The following KIAA0319L variants were observed in gnomAD, a reference collection of about 807,000 sequenced individuals.
KIAA0319L encodes the protein KIAA0319 like.
KIAA0319L carries 55 observed loss-of-function variants against 120.1 expected under a neutral mutation model. That is an observed-to-expected ratio of 0.46 (90% CI 0.37 to 0.57). The LOEUF (loss-of-function observed/expected upper bound fraction) is 0.57. Among genes scored for constraint, KIAA0319L ranks in the 20% least tolerant of loss-of-function variants. KIAA0319L has a pLI of 0.00. For missense variants in KIAA0319L, 1,049 were observed against 1,255.3 expected (o/e 0.84, Z 2.48); for synonymous variants, 398 against 471.9 (o/e 0.84, Z 2.03).
intron 2 of KIAA0319L, among the ~76,000 whole-genome samples, chr1:35,536,435 G>C (rs1362454429): frequency 6.6e-6 from 1 of 152,168 alleles, no homozygotes; most frequent in East Asian, 1.9e-4. Flanking sequence ...TCTGAACAAA[G>C]CAACAGTGGA....
intron 20 of KIAA0319L, 174 bp from the exon 21 acceptor site, chr1:35,435,255 G>C (rs1435353947): frequency 1.5e-5 from 9 of 618,578 alleles, no homozygotes; most frequent in Non-Finnish European, 2.6e-5. Context: ...GGGCCCAACT[G>C]GTTGGAACAG....
intron 7 of KIAA0319L, among the ~76,000 whole-genome samples, chr1:35,465,534 G>A (rs1018419198): frequency 4.6e-5 from 7 of 152,144 alleles, no homozygotes; most frequent in Admixed American, 1.3e-4. Context: ...AGGCAGAATC[G>A]ACTTGCCTTG....
chr1:35,454,521 C>T lies in KIAA0319L; in HGVS notation c.1657-36G>A, dbSNP rs371804257. ...AAATACAGAAGTGGAAAAGTGGACT[C>T]CAGGAATCACATCACACAATAATTC... On this transcript the variant is annotated intron_variant, in intron 10 of 20. Coordinates refer to ENST00000325722, the MANE Select transcript of KIAA0319L (RefSeq NM_024874.5). 32 of 1,608,208 alleles carry T rather than the reference C, an allele frequency of 2.0e-5. No homozygotes were observed. The South Asian group carries it at 3.2e-4, about 16-fold the overall frequency.
intron 3 of KIAA0319L, among the ~76,000 whole-genome samples, chr1:35,502,421 GTCATCATCATCA>G (rs138233952): frequency 5.1e-4 from 76 of 149,938 alleles, no homozygotes; most frequent in African/African-American, 1.5e-3. Context: ...TATTGCTGCT[GTCATCATCATCA>G]TCATCATCAT....
chr1:35,493,637 A>C (rs557466290), intron 3 of KIAA0319L, among the ~76,000 whole-genome samples: 78 of 151,730 alleles, frequency 5.1e-4, no homozygotes, highest in Non-Finnish European at 1.0e-3. Flanking sequence ...TGGATCGCTT[A>C]AACTCAGGAG....
At chr1:35,551,060 T>C (rs747928738) in intron 2 of KIAA0319L, among the ~76,000 whole-genome samples, 2 of 152,196 alleles carry the variant, frequency 1.3e-5, no homozygotes, top group Non-Finnish European at 2.9e-5. Flanking sequence ...AAGAATTAAG[T>C]CGAAAAATAT....
intron 3 of KIAA0319L, among the ~76,000 whole-genome samples, chr1:35,480,490 A>C (rs1015840267): frequency 1.3e-5 from 2 of 152,136 alleles, no homozygotes; most frequent in African/African-American, 4.8e-5. Context: ...ATTTTTTAAA[A>C]ATCAAATTCG....
chr1:35,448,089 C>T, intron 16 of KIAA0319L, 84 bp downstream of exon 16: 1 of 1,326,520 alleles, frequency 7.5e-7, no homozygotes, highest in Non-Finnish European at 1.0e-6. Flanking sequence ...CTTTCTCTAT[C>T]TAACCACACT....
At chr1:35,511,600 A>T (rs1313709985) in intron 2 of KIAA0319L, among the ~76,000 whole-genome samples, 1 of 152,200 alleles carries the variant, frequency 6.6e-6, no homozygotes, top group Non-Finnish European at 1.5e-5. Flanking sequence ...TAACATTTTT[A>T]AAAAGAATGG....
chr1:35,455,402 T>C (rs956481266), intron 10 of KIAA0319L, among the ~76,000 whole-genome samples: 1 of 152,078 alleles, frequency 6.6e-6, no homozygotes, highest in African/African-American at 2.4e-5. Context: ...GTCTCTCTTC[T>C]TAAGCATCTC....
At chr1:35,517,518 G>T (rs935190395) in intron 2 of KIAA0319L, among the ~76,000 whole-genome samples, 10 of 152,158 alleles carry the variant, frequency 6.6e-5, no homozygotes, top group African/African-American at 2.4e-4. Flanking sequence ...ATATGCAGAA[G>T]ATTAAAGCTG....
intron 2 of KIAA0319L, among the ~76,000 whole-genome samples, chr1:35,513,290 T>TATA (rs1558545634): frequency 1.6e-3 from 119 of 73,150 alleles, no homozygotes; most frequent in East Asian, 6.2e-3. Flanking sequence ...ATATATATAT[T>TATA]TTTTTTTTTT....
At chr1:35,541,369 AG>A (rs1646786987) in intron 2 of KIAA0319L, among the ~76,000 whole-genome samples, 1 of 76,160 alleles carries the variant, frequency 1.3e-5, no homozygotes, top group African/African-American at 5.4e-5. Context: ...TTTTTTTTTG[AG>A]ATGGAATCTA....
At chr1:35,486,154 A>T (rs1005132223) in intron 3 of KIAA0319L, among the ~76,000 whole-genome samples, 5 of 152,162 alleles carry the variant, frequency 3.3e-5, no homozygotes, top group African/African-American at 1.2e-4. Flanking sequence ...ATGCCGAGGC[A>T]GGAGGATCAC....
At chr1:35,495,015 A>T (rs1644747592) in intron 3 of KIAA0319L, among the ~76,000 whole-genome samples, 1 of 152,224 alleles carries the variant, frequency 6.6e-6, no homozygotes, top group Non-Finnish European at 1.5e-5. Flanking sequence ...CCAAAAAAAA[A>T]TTCCATCCAT....
intron 2 of KIAA0319L, among the ~76,000 whole-genome samples, chr1:35,526,281 T>A (rs1487835132): frequency 6.8e-6 from 1 of 147,936 alleles, no homozygotes; most frequent in African/African-American, 2.5e-5. Flanking sequence ...TATGTATATA[T>A]TTAAAACCCA....
chr1:35,450,606 C>A, intron 13 of KIAA0319L, 97 bp from the exon 14 acceptor site: 1 of 1,221,370 alleles, frequency 8.2e-7, no homozygotes, highest in Non-Finnish European at 1.2e-6. Flanking sequence ...TCAAGAGTAC[C>A]TTAACTGGAG....
intron 3 of KIAA0319L, among the ~76,000 whole-genome samples, chr1:35,484,035 G>A (rs1333791448): frequency 6.6e-6 from 1 of 151,976 alleles, no homozygotes; most frequent in Non-Finnish European, 1.5e-5. Flanking sequence ...TTATATTAAG[G>A]GCCCACCCTA....
At position 35,526,259 on chromosome 1, in the gene KIAA0319L, CAT is replaced by C. The variant is rs968787016; in HGVS notation, c.143-19126_143-19125del. ...GTTTTGGTTACTAGAATTTTATATA[CAT>C]ATATATATATATGTATATATTTAAA... On this transcript the variant is annotated intron_variant, in intron 2 of 20. Coordinates refer to ENST00000325722, the MANE Select transcript of KIAA0319L (RefSeq NM_024874.5). 5.2e-3 allele frequency among the ~76,000 whole-genome samples: 756 copies of C among 145,282 alleles called. 4 individuals are homozygous for C. Among genetic ancestry groups the C allele is most frequent in the African/African-American group, 0.013 (534 of 39,694 alleles).
Sources: gnomAD v4.1 joint callset for allele counts (sites outside exome capture counted in the v4.1 genomes callset) on GRCh38, gnomAD v4.1.1 for gene constraint, MANE v1.5 for transcripts, NCBI Gene and HGNC (gene_info 2026-07-23, HGNC 2026-07-21) for gene names.